Variants in FAM135A observed in about 807,000 individuals in gnomAD.
The protein encoded by FAM135A is family with sequence similarity 135 member A, also known as protein FAM135A.
FAM135A carries 79 observed loss-of-function variants against 146.8 expected under a neutral mutation model. The ratio of observed to expected loss-of-function variants is 0.54; its 90% confidence interval spans 0.45 to 0.65. FAM135A has a LOEUF of 0.65. Among genes scored for constraint, FAM135A ranks in the 30% least tolerant of loss-of-function variants. FAM135A has a pLI of 0.00. For synonymous variants in FAM135A, 562 were observed against 603.6 expected, an observed-to-expected ratio of 0.93 and a Z score of 1.01; for missense variants, 1,623 against 1,758.2, an observed-to-expected ratio of 0.92 and a Z score of 1.38.
chr6:70,414,339 C>T (rs1767022280), intron 1 of FAM135A, among the ~76,000 whole-genome samples: 1 of 152,174 alleles, frequency 6.6e-6, no homozygotes, highest in African/African-American at 2.4e-5. Flanking sequence ...CATCGCTTTG[C>T]ATTGGAGTTC....
At chr6:70,496,460 T>C (rs560541168) in intron 11 of FAM135A, among the ~76,000 whole-genome samples, 1 of 134,810 alleles carries the variant, frequency 7.4e-6, no homozygotes, top group Non-Finnish European at 1.5e-5. Context: ...GGTTGCCTGT[T>C]CACTCTGATG....
At chr6:70,441,866 G>A (rs1774570241) in intron 4 of FAM135A, among the ~76,000 whole-genome samples, 1 of 151,826 alleles carries the variant, frequency 6.6e-6, no homozygotes, top group South Asian at 2.1e-4. Context: ...TGTATTTTTA[G>A]TAGAGATGGG....
chr6:70,428,460 T>A, intron 4 of FAM135A, 41 bp downstream of exon 4: 1 of 1,386,158 alleles, frequency 7.2e-7, no homozygotes, highest in Non-Finnish European at 9.9e-7. Context: ...TTGCATAAGA[T>A]GTACAGTTTA....
chr6:70,445,471 G>A (rs962063523), intron 4 of FAM135A, among the ~76,000 whole-genome samples: 3 of 152,144 alleles, frequency 2.0e-5, no homozygotes, highest in Admixed American at 6.5e-5. Context: ...CTTCAGAGCT[G>A]AGTGCCCTGA....
At position 70,428,431 on chromosome 6, in the gene FAM135A, A is replaced by G. The variant is rs1472906005; in HGVS notation, c.77+12A>G. 1 of 1,568,586 alleles carries G rather than the reference A, an allele frequency of 6.4e-7. No homozygotes were observed. The stretch of plus-strand genomic sequence containing the variant: ...TTGTTTCAGAGAGGGTATGTATTTT[A>G]TTGTGAAAATGATATATTTTGCATA... On this transcript the variant is annotated intron_variant, in intron 4 of 21. Transcript: ENST00000418814.
rs750728500 is a variant in FAM135A at position 70,524,049 on chromosome 6, A to C, written c.1186A>C (p.Ser396Arg). 18 of 1,613,158 alleles carry C rather than the reference A, an allele frequency of 1.1e-5. No individual in the cohort carries two copies. Among genetic ancestry groups the C allele is most frequent in the Non-Finnish European group, 1.4e-5 (17 of 1,179,486 alleles). The change falls in exon 14 of 22, where the codon AGT becomes CGT. Residue 396 changes from serine to arginine, a missense_variant. By Grantham distance (110) the Ser-to-Arg change is moderately radical. Around this residue, in one of 7 missense-constraint regions of FAM135A, gnomAD observed 1,061 missense variants for 1,113.8 expected, o/e 0.95. Transcript: ENST00000418814. ...SSLPPLPIEC[S>R]ELDGDLNSLP... ...TCTTCCACCCTTACCTATTGAATGTAGTGAATTAGATGGAGATCTCAATTC... is the reference window on the plus strand; with the variant it reads ...TCTTCCACCCTTACCTATTGAATGTCGTGAATTAGATGGAGATCTCAATTC...
intron 12 of FAM135A, among the ~76,000 whole-genome samples, chr6:70,505,348 G>A (rs1463543434): frequency 6.6e-6 from 1 of 151,992 alleles, no homozygotes; most frequent in Non-Finnish European, 1.5e-5. Flanking sequence ...ATCAAATTCA[G>A]GAACACATTG....
At chr6:70,473,171 C>T (rs1401972372) in intron 5 of FAM135A, among the ~76,000 whole-genome samples, 1 of 152,164 alleles carries the variant, frequency 6.6e-6, no homozygotes, top group Non-Finnish European at 1.5e-5. Context: ...CAGCTAGCTT[C>T]TATGCCCTTT....
intron 8 of FAM135A, 133 bp from the exon 9 acceptor site, chr6:70,480,768 T>C: frequency 1.5e-6 from 1 of 670,270 alleles, no homozygotes. Context: ...AAAATTACTT[T>C]AGGAGTACTT....
At chr6:70,438,304 C>G (rs1417428212) in intron 4 of FAM135A, among the ~76,000 whole-genome samples, 3 of 152,110 alleles carry the variant, frequency 2.0e-5, no homozygotes, top group African/African-American at 7.2e-5. Flanking sequence ...TACAGTAATC[C>G]TCCCTTAAGT....
chr6:70,475,202 C>G (rs1415529156), intron 5 of FAM135A, among the ~76,000 whole-genome samples: 2 of 152,142 alleles, frequency 1.3e-5, no homozygotes, highest in African/African-American at 4.8e-5. Context: ...AGATGTCATG[C>G]AGTAATTTTA....
chr6:70,450,308 T>A (rs1425938858), intron 4 of FAM135A, among the ~76,000 whole-genome samples: 1 of 152,192 alleles, frequency 6.6e-6, no homozygotes, highest in Non-Finnish European at 1.5e-5. Context: ...TTTTGTTGCC[T>A]ATGTTTTTGG....
At chr6:70,432,670 T>G (rs1313519585) in intron 4 of FAM135A, among the ~76,000 whole-genome samples, 1 of 152,160 alleles carries the variant, frequency 6.6e-6, no homozygotes, top group African/African-American at 2.4e-5. Flanking sequence ...TTTGCTTTAG[T>G]GCTTATCTCA....
At chr6:70,547,810 A>C (rs1389180211) in intron 20 of FAM135A, among the ~76,000 whole-genome samples, 1 of 152,220 alleles carries the variant, frequency 6.6e-6, no homozygotes, top group Non-Finnish European at 1.5e-5. Context: ...TGGAAGATTT[A>C]ATCTTTTTCT....
intron 4 of FAM135A, among the ~76,000 whole-genome samples, chr6:70,432,451 A>G (rs1167519701): frequency 6.6e-6 from 1 of 152,186 alleles, no homozygotes; most frequent in African/African-American, 2.4e-5. Context: ...TTTCCTGTTC[A>G]TCTGTGAGAA....
At position 70,526,245 on chromosome 6, in the gene FAM135A, CAT is replaced by C. The variant is rs1225814638; in HGVS notation, c.3162_3163del (p.Ala1056CysfsTer2). On this transcript the variant is annotated frameshift_variant, in exon 15 of 22. Coordinates refer to ENST00000418814, the MANE Select transcript of FAM135A (RefSeq NM_001162529.3). LOFTEE classifies it high-confidence loss of function. ...CAAAGCAGTACGGATATTTCTGACACATGTGCTGTTAGCTACAGCAATGCACT... is the reference window on the plus strand; with the variant it reads ...CAAAGCAGTACGGATATTTCTGACACGTGCTGTTAGCTACAGCAATGCACT... 1.2e-6 allele frequency: 2 copies of C among 1,613,490 alleles called. No homozygotes were observed. Among genetic ancestry groups the C allele is most frequent in the Admixed American group, 1.7e-5 (1 of 59,968 alleles).
intron 5 of FAM135A, among the ~76,000 whole-genome samples, chr6:70,460,453 T>C (rs1294396567): frequency 2.0e-5 from 3 of 152,238 alleles, no homozygotes; most frequent in African/African-American, 7.2e-5. Flanking sequence ...TATCCTGTTT[T>C]GTAACTAGTT....
In FAM135A at chr6:70,429,467, T is replaced by C. The variant is rs182113426; in HGVS notation, c.77+1048T>C. ...GACAGAGTTTGCAGTGAGCCGAGAT[T>C]GCGCTAGTGCACTCCAGCCTGGGCA... On this transcript the variant is annotated intron_variant, in intron 4 of 21. Coordinates refer to ENST00000418814, the MANE Select transcript of FAM135A (RefSeq NM_001162529.3). Among the ~76,000 whole-genome samples, 300 of 151,740 alleles carry C rather than the reference T, an allele frequency of 2.0e-3. 3 individuals are homozygous for C. Among genetic ancestry groups the C allele is most frequent in the Middle Eastern group, 6.9e-3 (2 of 290 alleles).
intron 15 of FAM135A, among the ~76,000 whole-genome samples, chr6:70,527,253 C>A (rs1010103773): frequency 2.0e-5 from 3 of 152,004 alleles, no homozygotes; most frequent in Non-Finnish European, 4.4e-5. Context: ...AGTAAAATAT[C>A]CAGAAAAATC....
Sources: allele counts gnomAD v4.1 joint callset (sites outside exome capture counted in the v4.1 genomes callset), GRCh38; gene constraint gnomAD v4.1.1; regional missense constraint gnomAD v4.1.1; transcripts MANE v1.5; gene names NCBI Gene and HGNC (gene_info 2026-07-23, HGNC 2026-07-21).